Variants in SPIDR observed in about 807,000 individuals in gnomAD.
SPIDR encodes scaffold protein involved in DNA repair.
In SPIDR, 93 loss-of-function variants were observed where a neutral mutation model predicts 104.6. The ratio of observed to expected loss-of-function variants is 0.89; its 90% CI spans 0.75 to 1.06. SPIDR has a LOEUF of 1.06. Among genes scored for constraint, SPIDR ranks in the 50% least tolerant of loss-of-function variants. The pLI is 0.00. For missense variants in SPIDR, 1,154 were observed against 1,111.2 expected (o/e 1.04, Z -0.55); for synonymous variants, 431 against 416.9 (o/e 1.03, Z -0.41).
intron 12 of SPIDR, among the ~76,000 whole-genome samples, chr8:47,700,975 A>G (rs2080092298): frequency 6.6e-6 from 1 of 152,160 alleles, no homozygotes; most frequent in African/African-American, 2.4e-5. Flanking sequence ...AAGCAGCAAA[A>G]TGGATGGAAA....
intron 1 of SPIDR, among the ~76,000 whole-genome samples, chr8:47,272,114 C>T (rs1002736874): frequency 2.0e-5 from 3 of 151,984 alleles, no homozygotes; most frequent in African/African-American, 4.8e-5. Context: ...ATTACAGGTG[C>T]GCGCCACCAC....
rs758518251 is a variant in SPIDR at position 47,702,032 on chromosome 8, A to G, written c.1977+17A>G. The stretch of plus-strand genomic sequence containing the variant: ...AAACCACAGGTAATAATCTCTCTCA[A>G]TCTCTCAATCTCTCAGCCTTTCTCT... On this transcript the variant is annotated intron_variant, in intron 14 of 19. Coordinates refer to ENST00000297423, the MANE Select transcript of SPIDR (RefSeq NM_001080394.4). 6 of 1,466,612 alleles carry G rather than the reference A, an allele frequency of 4.1e-6. No homozygotes were observed. Among genetic ancestry groups the G allele is most frequent in the African/African-American group, 4.5e-5 (2 of 44,072 alleles). 90.8% of individuals were successfully genotyped at this position (1,466,612 alleles called of 1,614,324 possible). A position where few individuals can be genotyped will look rare whatever the true frequency, so the allele number is the denominator to read the frequency against.
intron 8 of SPIDR, among the ~76,000 whole-genome samples, chr8:47,467,487 G>T (rs984225423): frequency 6.6e-6 from 1 of 151,994 alleles, no homozygotes; most frequent in African/African-American, 2.4e-5. Flanking sequence ...AACTGAGTCC[G>T]CAACACATCA....
At position 47,494,419 on chromosome 8, in the gene SPIDR, A is replaced by C. The variant is rs763418715; in HGVS notation, c.1097+53877A>C. On this transcript the variant is annotated intron_variant, in intron 8 of 19. Transcript: ENST00000297423. Reference sequence around the variant, plus strand: ...AATCCTCCCACCTCATTTTTGAGAAATAACATTTTTCAAATACAGTGTCAA... The same window carrying C: ...AATCCTCCCACCTCATTTTTGAGAACTAACATTTTTCAAATACAGTGTCAA... 2.0e-5 allele frequency among the ~76,000 whole-genome samples: 3 copies of C among 152,128 alleles called. No individual in the cohort carries two copies. In the South Asian group the frequency reaches 6.2e-4, roughly 31 times the overall value.
chr8:47,729,223 G>A (rs2084807563), intron 18 of SPIDR, 176 bp downstream of exon 18: 13 of 1,465,404 alleles, frequency 8.9e-6, no homozygotes, highest in South Asian at 3.7e-5. Flanking sequence ...TAGGAAAGGT[G>A]GGAGGATGCA....
intron 8 of SPIDR, among the ~76,000 whole-genome samples, chr8:47,565,845 AT>A (rs2057720502): frequency 6.7e-6 from 1 of 149,890 alleles, no homozygotes; most frequent in Non-Finnish European, 1.5e-5. Context: ...AGATTTTGAT[AT>A]TAAAGGTTTA....
At chr8:47,497,236 C>A (rs1336346769) in intron 8 of SPIDR, among the ~76,000 whole-genome samples, 3 of 151,868 alleles carry the variant, frequency 2.0e-5, no homozygotes, top group South Asian at 2.1e-4. Flanking sequence ...TTGTTATTTT[C>A]TTCCTGTGCG....
intron 5 of SPIDR, among the ~76,000 whole-genome samples, chr8:47,389,098 G>A (rs1411897928): frequency 2.0e-5 from 3 of 152,172 alleles, no homozygotes; most frequent in Non-Finnish European, 4.4e-5. Flanking sequence ...TTAAACATTA[G>A]CAGATTATGA....
chr8:47,707,115 A>G (rs2154486026), intron 14 of SPIDR, among the ~76,000 whole-genome samples: 1 of 151,710 alleles, frequency 6.6e-6, no homozygotes, highest in South Asian at 2.1e-4. Context: ...TTAGCTGGGT[A>G]TGGTGGTGCA....
chr8:47,463,272 A>G (rs1554714764), intron 8 of SPIDR, among the ~76,000 whole-genome samples: 1 of 151,918 alleles, frequency 6.6e-6, no homozygotes, highest in African/African-American at 2.4e-5. Flanking sequence ...GAGGCAGGAG[A>G]ATGCCATGAA....
At chr8:47,590,031 G>A (rs751609494) in intron 8 of SPIDR, among the ~76,000 whole-genome samples, 9 of 151,972 alleles carry the variant, frequency 5.9e-5, no homozygotes, top group East Asian at 1.9e-4. Flanking sequence ...AAAATTAGCC[G>A]GGACTGGTGG....
chr8:47,580,352 C>T (rs1241541756), intron 8 of SPIDR, among the ~76,000 whole-genome samples: 4 of 152,190 alleles, frequency 2.6e-5, no homozygotes, highest in Non-Finnish European at 4.4e-5. Flanking sequence ...GCCGACCATC[C>T]TTCCCACTGA....
intron 5 of SPIDR, among the ~76,000 whole-genome samples, chr8:47,319,766 C>G (rs200147017): frequency 6.6e-6 from 1 of 152,142 alleles, no homozygotes; most frequent in Non-Finnish European, 1.5e-5. Context: ...ACAGTGCAAT[C>G]AAACTAGAAC....
chr8:47,581,437 T>C (rs73567582), intron 8 of SPIDR, among the ~76,000 whole-genome samples: 5,398 of 152,268 alleles, frequency 0.035, 268 homozygotes, highest in African/African-American at 0.12. Context: ...AGTGGGGTCA[T>C]GTTTTTGAGT....
chr8:47,381,726 G>T (rs117676627), intron 5 of SPIDR, among the ~76,000 whole-genome samples: 3,927 of 152,322 alleles, frequency 0.026, 278 homozygotes, highest in Admixed American at 0.15. Context: ...GCGAGTCTGG[G>T]CTCAGCTGGA....
At chr8:47,322,623 A>G (rs1563614444) in intron 5 of SPIDR, among the ~76,000 whole-genome samples, 3 of 152,236 alleles carry the variant, frequency 2.0e-5, no homozygotes, top group African/African-American at 7.2e-5. Flanking sequence ...ATGCTGCTAT[A>G]AAGACACATG....
At chr8:47,409,966 T>A (rs1314498877) in intron 7 of SPIDR, among the ~76,000 whole-genome samples, 1 of 152,140 alleles carries the variant, frequency 6.6e-6, no homozygotes, top group African/African-American at 2.4e-5. Context: ...AGTTCTAGGT[T>A]ACAGTGAGCT....
At chr8:47,711,088 C>T (rs1432462575) in intron 14 of SPIDR, among the ~76,000 whole-genome samples, 2 of 152,108 alleles carry the variant, frequency 1.3e-5, no homozygotes. Context: ...CAGTATGGAC[C>T]AATGAATTCA....
intron 3 of SPIDR, among the ~76,000 whole-genome samples, chr8:47,284,713 A>AT: frequency 6.6e-6 from 1 of 151,906 alleles, no homozygotes; most frequent in Non-Finnish European, 1.5e-5. Context: ...GGTGCTGAGG[A>AT]TTTTCGCCAA....
Sources: gnomAD v4.1 joint callset for allele counts (sites outside exome capture counted in the v4.1 genomes callset) on GRCh38, gnomAD v4.1.1 for gene constraint, MANE v1.5 for transcripts, NCBI Gene and HGNC (gene_info 2026-07-23, HGNC 2026-07-21) for gene names.